WDPCP: variants seen among roughly 807,000 people sequenced by gnomAD.
WDPCP encodes WD repeat-containing and planar cell polarity effector protein fritz homolog.
A neutral mutation model predicts 93.1 loss-of-function variants in WDPCP; 71 were observed. The ratio of observed to expected loss-of-function variants is 0.76; its 90% CI spans 0.63 to 0.93. The LOEUF is 0.93. Ranked by LOEUF, WDPCP falls within the 40% of genes least tolerant of loss-of-function variation. The pLI, the probability that WDPCP is intolerant of heterozygous loss-of-function variation, is 0.00. For missense variants in WDPCP, 844 were observed against 887.4 expected, an observed-to-expected ratio of 0.95 and a Z score of 0.62; for synonymous variants, 315 against 315.0, an observed-to-expected ratio of 1.00 and a Z score of 0.00.
At chr2:63,224,600 C>T (rs1678121716) in intron 14 of WDPCP, among the ~76,000 whole-genome samples, 1 of 151,670 alleles carries the variant, frequency 6.6e-6, no homozygotes, top group East Asian at 1.9e-4. Context: ...CATGAAGAAA[C>T]CTTATTAAAT....
chr2:63,413,835 CTTAA>C (rs1229703926), intron 9 of WDPCP, among the ~76,000 whole-genome samples: 1 of 151,730 alleles, frequency 6.6e-6, no homozygotes, highest in African/African-American at 2.4e-5. Flanking sequence ...ATAGCTGGGA[CTTAA>C]TTAAACTAAA....
intron 1 of WDPCP, among the ~76,000 whole-genome samples, chr2:63,556,326 C>A (rs990059033): frequency 6.6e-6 from 1 of 152,110 alleles, no homozygotes; most frequent in Non-Finnish European, 1.5e-5. Flanking sequence ...ACGAACAAAA[C>A]CTCCAAGAAC....
At chr2:63,760,398 C>A (rs1394184386) in intron 2 of WDPCP, among the ~76,000 whole-genome samples, 2 of 151,994 alleles carry the variant, frequency 1.3e-5, no homozygotes, top group South Asian at 2.1e-4. Flanking sequence ...AAAAGGATTT[C>A]TTTTTCTCCA....
At chr2:63,464,077 G>C (rs1699195784) in intron 6 of WDPCP, among the ~76,000 whole-genome samples, 1 of 151,930 alleles carries the variant, frequency 6.6e-6, no homozygotes, top group African/African-American at 2.4e-5. Context: ...AAAATGAAAA[G>C]GTAACCTACA....
chr2:63,371,262 C>T (rs1691358278), intron 12 of WDPCP, among the ~76,000 whole-genome samples: 1 of 152,034 alleles, frequency 6.6e-6, no homozygotes. Context: ...TTGTCAGAAC[C>T]TTTAATATGT....
intron 14 of WDPCP, among the ~76,000 whole-genome samples, chr2:63,254,495 G>A (rs935378873): frequency 6.6e-6 from 1 of 151,992 alleles, no homozygotes; most frequent in Non-Finnish European, 1.5e-5. Context: ...ACTTAACATA[G>A]GACACTATAT....
At chr2:63,487,818 C>A (rs1575511744) in intron 2 of WDPCP, among the ~76,000 whole-genome samples, 2 of 152,018 alleles carry the variant, frequency 1.3e-5, no homozygotes, top group Admixed American at 1.3e-4. Context: ...AGGGTTCTAC[C>A]AAAAGGAACT....
chr2:63,506,921 A>G (rs1701914398), intron 1 of WDPCP, among the ~76,000 whole-genome samples: 1 of 152,060 alleles, frequency 6.6e-6, no homozygotes, highest in Non-Finnish European at 1.5e-5. Flanking sequence ...AAAAACAGAC[A>G]AAAGAAGACT....
chr2:63,582,223 A>T (rs1055250105), intron 1 of WDPCP, among the ~76,000 whole-genome samples: 3 of 152,154 alleles, frequency 2.0e-5, no homozygotes, highest in African/African-American at 7.2e-5. Context: ...GATATTTTTT[A>T]AAAGACCCAA....
rs189096341 is a variant in WDPCP, at chr2:63,507,862, A to C, written c.76-14922T>G. 1.0e-3 allele frequency among the ~76,000 whole-genome samples: 155 copies of C among 152,278 alleles called. 1 individual carries two copies. The highest frequency in any genetic ancestry group is 9.9e-3 in the Admixed American group (151 of 15,290). On this transcript the variant is annotated intron_variant, in intron 1 of 17. Transcript: ENST00000272321. Reference sequence around the variant, plus strand: ...GATTGAAGATCAACTTAATGAAATAAAGTGTGAAGACAAGATTAGAGAAAA... The same window carrying C: ...GATTGAAGATCAACTTAATGAAATACAGTGTGAAGACAAGATTAGAGAAAA...
chr2:63,396,972 T>C (rs753834303), intron 10 of WDPCP, among the ~76,000 whole-genome samples: 3 of 152,148 alleles, frequency 2.0e-5, no homozygotes, highest in Non-Finnish European at 2.9e-5. Flanking sequence ...TCTCCATCCA[T>C]GTTCCCACAA....
chr2:63,743,418 C>G (rs556658907), intron 2 of WDPCP, among the ~76,000 whole-genome samples: 1 of 152,074 alleles, frequency 6.6e-6, no homozygotes, highest in African/African-American at 2.4e-5. Context: ...GAAAGATTTG[C>G]TAATTCCTTT....
intron 3 of WDPCP, chr2:63,622,928 C>T (rs928634635): frequency 2.9e-6 from 3 of 1,025,200 alleles, no homozygotes; most frequent in Non-Finnish European, 4.3e-6. Flanking sequence ...TCGGCGCACA[C>T]CTGCTGCCAG....
chr2:63,693,741 A>G (rs1225716376), intron 2 of WDPCP, among the ~76,000 whole-genome samples: 1 of 152,192 alleles, frequency 6.6e-6, no homozygotes, highest in Non-Finnish European at 1.5e-5. Context: ...AGTAATTGAT[A>G]AGTTGTTGCT....
At chr2:63,293,634 G>GACTT (rs1684614396) in intron 13 of WDPCP, among the ~76,000 whole-genome samples, 2 of 152,056 alleles carry the variant, frequency 1.3e-5, no homozygotes, top group African/African-American at 4.8e-5. Context: ...AAGATGTGGG[G>GACTT]AAAGTCAAAA....
intron 9 of WDPCP, among the ~76,000 whole-genome samples, chr2:63,421,735 C>A (rs887129827): frequency 3.3e-5 from 5 of 152,018 alleles, no homozygotes; most frequent in Admixed American, 6.6e-5. Flanking sequence ...AACTAAAGGG[C>A]AAAACCCAAA....
chr2:63,161,658 C>T (rs1672651536), intron 15 of WDPCP, among the ~76,000 whole-genome samples: 2 of 151,320 alleles, frequency 1.3e-5, no homozygotes, highest in Admixed American at 6.6e-5. Flanking sequence ...TAAATGGTGA[C>T]AATATAATTT....
At chr2:63,784,477 TAGAGATTACAAATA>T (rs1670440386) in intron 2 of WDPCP, among the ~76,000 whole-genome samples, 1 of 152,086 alleles carries the variant, frequency 6.6e-6, no homozygotes, top group Non-Finnish European at 1.5e-5. Flanking sequence ...ATGTTAATAA[TAGAGATTACAAATA>T]AGAGTCACCA....
chr2:63,589,977 T>A (rs1218628632), upstream of WDPCP: 1 of 154,202 alleles, frequency 6.5e-6, no homozygotes, highest in Admixed American at 6.4e-5. Context: ...GAGAAATGTT[T>A]GAATGAATTG....
Sources: allele counts gnomAD v4.1 joint callset (sites outside exome capture counted in the v4.1 genomes callset), GRCh38; gene constraint gnomAD v4.1.1; transcripts MANE v1.5; gene names NCBI Gene and HGNC (gene_info 2026-07-23, HGNC 2026-07-21).